EXOC3L4: variants seen among roughly 807,000 people sequenced by gnomAD.
EXOC3L4 encodes exocyst complex component 3 like 4, also known as exocyst complex component 3-like protein 4.
A neutral mutation model predicts 69.7 loss-of-function variants in EXOC3L4; 62 were observed. The ratio of observed to expected loss-of-function variants is 0.89; its 90% CI spans 0.72 to 1.10. EXOC3L4 has a LOEUF of 1.10. Ranked by LOEUF, EXOC3L4 falls within the 50% of genes least tolerant of loss-of-function variation. The probability of loss-of-function intolerance (pLI) is 0.00; values close to 1 mark genes in which losing one functional copy is unlikely to be tolerated. For synonymous variants in EXOC3L4, 502 were observed against 464.2 expected, an observed-to-expected ratio of 1.08 and a Z score of -1.05; for missense variants, 1,087 against 1,034.8, an observed-to-expected ratio of 1.05 and a Z score of -0.69.
At position 103,102,134 on chromosome 14, in the gene EXOC3L4, C is replaced by T. The variant is rs750578145; in HGVS notation, c.411C>T (p.Ala137=). The T allele has an allele frequency of 5.6e-6, 9 of 1,605,098 alleles. No individual in the cohort carries two copies. The highest frequency in any genetic ancestry group is 1.7e-5 in the Admixed American group (1 of 59,374). ...CCTGTGCAGAAGGCAAATCCGTGGC[C>T]GACCTCATTACTGAACGGCAACTGC... ...LKPEAEGKSV[A]DLITERQLLA... The change falls in exon 3 of 12, where the codon GCC becomes GCT. Residue 137 remains alanine, a synonymous_variant. Coordinates refer to ENST00000688303, the MANE Select transcript of EXOC3L4 (RefSeq NM_001077594.2).
Position 103,110,148 on chromosome 14 carries a change from G to A in EXOC3L4, c.2094G>A (p.Glu698=). The change falls in exon 12 of 12, where the codon GAG becomes GAA. Residue 698 remains glutamate, a synonymous_variant. Transcript: ENST00000688303. ...CTGCGGCCGGGGCGGCGGGTGCGGAGGCCCCTCGGGGCCGCGTGCTCTTCG... is the reference window on the plus strand; with the variant it reads ...CTGCGGCCGGGGCGGCGGGTGCGGAAGCCCCTCGGGGCCGCGTGCTCTTCG... The part of the protein sequence containing the change: ...LRAAAGAAGA[E]APRGRVLFEE... The A allele has an allele frequency of 6.5e-7, 1 of 1,545,006 alleles. No homozygotes were observed. The highest frequency in any genetic ancestry group is 8.7e-7 in the Non-Finnish European group (1 of 1,144,278).
chr14:103,104,529 A>G, intron 5 of EXOC3L4, 140 bp downstream of exon 5: 1 of 1,339,502 alleles, frequency 7.5e-7, no homozygotes. Flanking sequence ...GCGGGGGGAA[A>G]TCGGGGACCC....
intron 3 of EXOC3L4, 123 bp downstream of exon 3, chr14:103,102,895 G>C: frequency 9.7e-7 from 1 of 1,030,868 alleles, no homozygotes; most frequent in African/African-American, 1.7e-5. Context: ...AGAGGGCTGA[G>C]AGCCGAGGGC....
At chr14:103,101,859 G>A (rs1197805183) in intron 2 of EXOC3L4, among the ~76,000 whole-genome samples, 3 of 152,248 alleles carry the variant, frequency 2.0e-5, no homozygotes, top group Non-Finnish European at 4.4e-5. Context: ...GGATCCAGGC[G>A]GAAGGTAGGG....
chr14:103,104,606 G>T, intron 5 of EXOC3L4, 132 bp from the exon 6 acceptor site: 1 of 1,226,876 alleles, frequency 8.2e-7, no homozygotes, highest in Non-Finnish European at 1.1e-6. Flanking sequence ...CCAGTTGGGC[G>T]GCTGAAAGCT....
intron 9 of EXOC3L4, 26 bp from the exon 10 acceptor site, chr14:103,107,605 C>G (rs781691958): frequency 6.2e-7 from 1 of 1,603,028 alleles, no homozygotes; most frequent in East Asian, 2.2e-5. Context: ...TGACCCTGAC[C>G]CTGACCCTGA....
At chr14:103,106,676 C>T (rs1025433516) in intron 7 of EXOC3L4, 109 bp from the exon 8 acceptor site, 9 of 641,628 alleles carry the variant, frequency 1.4e-5, no homozygotes, top group African/African-American at 7.4e-5. Flanking sequence ...GGGAGCCCCA[C>T]GGGCTGCCCT....
chr14:103,096,050 C>T (rs1003473953), intron 1 of EXOC3L4, among the ~76,000 whole-genome samples: 3 of 152,158 alleles, frequency 2.0e-5, no homozygotes, highest in Non-Finnish European at 2.9e-5. Context: ...GCAAGGAAAG[C>T]TTTCAAAGGA....
intron 3 of EXOC3L4, among the ~76,000 whole-genome samples, chr14:103,103,367 A>AAAG (rs1890324131): frequency 6.7e-6 from 1 of 149,628 alleles, no homozygotes; most frequent in African/African-American, 2.5e-5. Flanking sequence ...AAAAAAAAAA[A>AAAG]AAAAGAAAGA....
intron 2 of EXOC3L4, among the ~76,000 whole-genome samples, chr14:103,101,561 G>A (rs939610780): frequency 1.3e-5 from 2 of 152,218 alleles, no homozygotes; most frequent in African/African-American, 4.8e-5. Context: ...CTAGGGCCAT[G>A]CACACAGCTG....
At chr14:103,105,138 C>A in intron 7 of EXOC3L4, 66 bp downstream of exon 7, 1 of 1,530,936 alleles carries the variant, frequency 6.5e-7, no homozygotes, top group Non-Finnish European at 8.9e-7. Flanking sequence ...CGCCGGGAAC[C>A]TGGATGGAGG....
Position 103,097,828 on chromosome 14 carries a change from G to T in EXOC3L4, c.-16-2376G>T, listed in dbSNP as rs1006016728. On this transcript the variant is annotated intron_variant, in intron 1 of 11. Transcript: ENST00000688303. This position sits in a 1 kb window ranked among gnomAD's most constrained non-coding sequence, Gnocchi z 4.9. ...TGGAGGCTGGGCGTGCAGCCGGGAG[G>T]ACAGAGAAGAAGCTGGGTGGGGTGC... 2.0e-5 allele frequency among the ~76,000 whole-genome samples: 3 copies of T among 152,128 alleles called. No individual in the cohort carries two copies. The highest frequency in any genetic ancestry group is 4.4e-5 in the Non-Finnish European group (3 of 68,022).
chr14:103,102,130 T>G lies in EXOC3L4; in HGVS notation c.407T>G (p.Val136Gly). Residue 136 changes from valine (V) to glycine (G), a missense_variant, in exon 3 of 12, where the codon GTG (valine) becomes GGG (glycine). Coordinates refer to ENST00000688303, the MANE Select transcript of EXOC3L4 (RefSeq NM_001077594.2). ...CCCGCCTGTGCAGAAGGCAAATCCG[T>G]GGCCGACCTCATTACTGAACGGCAA... ...ELKPEAEGKS[V>G]ADLITERQLL... The G allele has an allele frequency of 6.2e-7, 1 of 1,604,460 alleles. No individual in the cohort carries two copies. The highest frequency in any genetic ancestry group is 8.5e-7 in the Non-Finnish European group (1 of 1,176,058).
At chr14:103,094,281 G>A (rs1158808965), upstream of EXOC3L4, among the ~76,000 whole-genome samples, 2 of 152,172 alleles carry the variant, frequency 1.3e-5, no homozygotes, top group East Asian at 1.9e-4. Context: ...CTGTCACCGT[G>A]AGCTTCCCTG....
chr14:103,108,566 C>G, intron 11 of EXOC3L4, 49 bp downstream of exon 11: 1 of 1,595,480 alleles, frequency 6.3e-7, no homozygotes, highest in Non-Finnish European at 8.5e-7. Flanking sequence ...GCTTCAGGGC[C>G]AAGGGGGCTG....
intron 2 of EXOC3L4, among the ~76,000 whole-genome samples, 156 bp downstream of exon 2, chr14:103,100,769 T>C (rs970356722): frequency 6.6e-6 from 1 of 152,152 alleles, no homozygotes; most frequent in African/African-American, 2.4e-5. Context: ...GGGTCTCCAC[T>C]CTGTCACCCA....
At chr14:103,104,861 G>A in intron 6 of EXOC3L4, 23 bp downstream of exon 6, 3 of 1,515,312 alleles carry the variant, frequency 2.0e-6, no homozygotes, top group Non-Finnish European at 2.7e-6. Context: ...CCTCAGTAGG[G>A]GAGCGACCTG....
chr14:103,101,707 C>T (rs1483228098), intron 2 of EXOC3L4, among the ~76,000 whole-genome samples: 3 of 152,098 alleles, frequency 2.0e-5, no homozygotes. Flanking sequence ...TGGAGGCTGG[C>T]GGAGAGTGGG....
At position 103,102,271 on chromosome 14, in the gene EXOC3L4, G is replaced by A. The variant is rs868305219; in HGVS notation, c.548G>A (p.Cys183Tyr). The change falls in exon 3 of 12, where the codon TGC becomes TAC. Residue 183 changes from cysteine (C) to tyrosine (Y), a missense_variant. By Grantham distance (194) the Cys-to-Tyr change is radical. Coordinates refer to ENST00000688303, the MANE Select transcript of EXOC3L4 (RefSeq NM_001077594.2). ...TAFARRAMDVCLLYDGLAAEI... is the reference protein window; with the variant it reads ...TAFARRAMDVYLLYDGLAAEI... ...TTCGCGCGGCGCGCTATGGACGTGT[G>A]CCTGCTTTACGACGGGCTGGCAGCC... is the stretch of plus-strand genomic sequence containing the variant. 1.9e-6 allele frequency: 3 copies of A among 1,585,426 alleles called. No individual in the cohort carries two copies. Among genetic ancestry groups the A allele is most frequent in the South Asian group, 1.1e-5 (1 of 88,040 alleles).
Sources: gnomAD v4.1 joint callset for allele counts (sites outside exome capture counted in the v4.1 genomes callset) on GRCh38, gnomAD v4.1.1 for gene constraint, Gnocchi (gnomAD v3.1) non-coding constraint, MANE v1.5 for transcripts, NCBI Gene and HGNC (gene_info 2026-07-23, HGNC 2026-07-21) for gene names.